NOSIP: variants seen among roughly 807,000 people sequenced by gnomAD.
NOSIP encodes the protein nitric oxide synthase-interacting protein.
Under a neutral mutation model 36.4 loss-of-function variants are expected in NOSIP, and 25 were observed. The observed-to-expected ratio is 0.69, with a 90% CI of 0.50 to 0.96. NOSIP has a LOEUF of 0.96. NOSIP is among the 40% of genes least tolerant of loss of function. The probability of loss-of-function intolerance (pLI) is 0.00; values close to 1 mark genes in which losing one functional copy is unlikely to be tolerated. For missense variants in NOSIP, 370 were observed against 429.0 expected, an observed-to-expected ratio of 0.86 and a Z score of 1.21; for synonymous variants, 187 against 179.2, an observed-to-expected ratio of 1.04 and a Z score of -0.35.
rs2080313073 is a variant in NOSIP, at chr19:49,560,162, C to T, written c.71-123G>A. The T allele has an allele frequency of 1.2e-5, 8 of 683,608 alleles. No individual in the cohort carries two copies. Among genetic ancestry groups the T allele is most frequent in the Non-Finnish European group, 2.0e-5 (8 of 396,526 alleles). The allele number at this position is 683,608 out of a possible 1,614,324, so 42.3% of individuals were successfully genotyped here. ...TGGGGGTGGGGGACTCAGAGAGAAA[C>T]AGGCAGTTGGGAGCCGCTGCCTGTG... On this transcript the variant is annotated intron_variant, in intron 2 of 8. Transcript: ENST00000596358. The surrounding 1 kb of genome is among the most constrained non-coding windows in gnomAD (Gnocchi z 4.6).
intron 1 of NOSIP, among the ~76,000 whole-genome samples, chr19:49,577,844 G>A (rs1020974637): frequency 1.3e-5 from 2 of 151,114 alleles, no homozygotes; most frequent in African/African-American, 4.9e-5. Context: ...ATGAAAGAAG[G>A]AAGGCAGTCA....
At chr19:49,575,012 G>A (rs950107572) in intron 1 of NOSIP, among the ~76,000 whole-genome samples, 51 of 151,694 alleles carry the variant, frequency 3.4e-4, no homozygotes, top group African/African-American at 1.2e-3. Context: ...ACAGGCGCCC[G>A]CCACCATGCC....
chr19:49,567,558 G>C (rs2080427683), intron 1 of NOSIP, among the ~76,000 whole-genome samples: 1 of 152,168 alleles, frequency 6.6e-6, no homozygotes, highest in Non-Finnish European at 1.5e-5. Flanking sequence ...AGCTGTGCCT[G>C]GGTCAGCAAG....
intron 4 of NOSIP, chr19:49,557,787 T>C (rs2080274671): frequency 2.0e-6 from 2 of 988,342 alleles, no homozygotes; most frequent in Admixed American, 1.2e-4. Context: ...AGCTCAGCCC[T>C]GCCTGGCGCA....
intron 1 of NOSIP, among the ~76,000 whole-genome samples, chr19:49,562,793 C>T (rs113086320): frequency 0.018 from 2,797 of 152,182 alleles, 51 homozygotes; most frequent in Non-Finnish European, 0.028. Context: ...AAACAGGAGA[C>T]TCATTGAACC....
At chr19:49,558,754 G>C in intron 4 of NOSIP, 143 bp downstream of exon 4, 1 of 737,004 alleles carries the variant, frequency 1.4e-6, no homozygotes, top group Non-Finnish European at 2.4e-6. Context: ...AAATCGGTGA[G>C]AAGGATTTGG....
chr19:49,573,531 T>C (rs2080513127), intron 1 of NOSIP, among the ~76,000 whole-genome samples: 1 of 152,120 alleles, frequency 6.6e-6, no homozygotes, highest in South Asian at 2.1e-4. Flanking sequence ...GATGTCATGA[T>C]AGAATCAATG....
chr19:49,556,642 C>A lies in NOSIP; in HGVS notation c.632G>T (p.Arg211Leu). ...HFTPLDSSVD[R>L]VGLITRSERY... ...CTCGCTGCGGGTGATGAGCCCCACG[C>A]GGTCCACGGAGCTGTCTAGCGGTGT... The change falls in exon 7 of 9, where the codon CGC becomes CTC. Residue 211 changes from arginine (R) to leucine (L), a missense_variant. Arg to Leu is a moderately radical substitution (Grantham distance 102). Coordinates refer to ENST00000596358, the MANE Select transcript of NOSIP (RefSeq NM_001270960.2). The A allele has an allele frequency of 6.2e-7, 1 of 1,610,598 alleles. No individual in the cohort carries two copies. Among genetic ancestry groups the A allele is most frequent in the Non-Finnish European group, 8.5e-7 (1 of 1,179,760 alleles).
chr19:49,574,147 C>G (rs1171788319), intron 1 of NOSIP, among the ~76,000 whole-genome samples: 1 of 152,142 alleles, frequency 6.6e-6, no homozygotes, highest in Non-Finnish European at 1.5e-5. Context: ...CAGGCATGAG[C>G]TACCGCGCCC....
chr19:49,571,345 G>A (rs182029327), intron 1 of NOSIP, among the ~76,000 whole-genome samples: 46 of 152,032 alleles, frequency 3.0e-4, no homozygotes, highest in African/African-American at 9.4e-4. Context: ...AAGCGTGAGC[G>A]CCTCCAACCA....
At chr19:49,575,798 A>C (rs546407959) in intron 1 of NOSIP, among the ~76,000 whole-genome samples, 1 of 152,316 alleles carries the variant, frequency 6.6e-6, no homozygotes, top group Non-Finnish European at 1.5e-5. Context: ...GTCATAGGTC[A>C]CCAAATTCAT....
In NOSIP at chr19:49,560,683, C is replaced by T; in HGVS notation, c.9G>A (p.Arg3=). The T allele has an allele frequency of 6.3e-7, 1 of 1,592,484 alleles. No homozygotes were observed. Among genetic ancestry groups the T allele is most frequent in the Non-Finnish European group, 8.6e-7 (1 of 1,168,946 alleles). Residue 3 remains arginine (R), a synonymous_variant, in exon 2 of 9, where the codon CGG becomes CGA. Coordinates refer to ENST00000596358, the MANE Select transcript of NOSIP (RefSeq NM_001270960.2). The surrounding 1 kb of genome is among the most constrained non-coding windows in gnomAD (Gnocchi z 4.6). Reference sequence around the variant, plus strand: ...CCCCTGCGGTGCAGTTCTTGCCATGCCGCGTCATCCTAGGGAGGAAGGGAC... The same window carrying T: ...CCCCTGCGGTGCAGTTCTTGCCATGTCGCGTCATCCTAGGGAGGAAGGGAC... MT[R]HGKNCTAGAV...
At chr19:49,566,794 C>CATATATATATACATATATATAT (rs2080414016) in intron 1 of NOSIP, 13 of 142,948 alleles carry the variant, frequency 9.1e-5, no homozygotes, top group African/African-American at 3.5e-4. Flanking sequence ...CATATACATA[C>CATATATATATACATATATATAT]ATATATATAT....
At chr19:49,561,620 G>A (rs886242436) in intron 1 of NOSIP, among the ~76,000 whole-genome samples, 7 of 152,114 alleles carry the variant, frequency 4.6e-5, no homozygotes, top group Admixed American at 2.6e-4. Context: ...AGTGGCTCAC[G>A]CCTGTAATCT....
chr19:49,556,250 T>C (rs2080242782), intron 8 of NOSIP, 67 bp downstream of exon 8: 1 of 687,612 alleles, frequency 1.5e-6, no homozygotes, highest in African/African-American at 4.7e-5. Flanking sequence ...GACGAAGCCT[T>C]GGAGGGGGTG....
intron 4 of NOSIP, 93 bp from the exon 5 acceptor site, chr19:49,557,342 G>A: frequency 6.8e-7 from 1 of 1,474,660 alleles, no homozygotes; most frequent in Non-Finnish European, 9.0e-7. Flanking sequence ...CCCACAAAGG[G>A]GACCCTCTGA....
Position 49,555,589 on chromosome 19 carries a change from A to C in NOSIP, c.*162T>G. ...TTGTTCTTAATGTGAGACCACATTCAATATGCTTAGCCCGCTCTTTCAAAC... is the reference window on the plus strand; with the variant it reads ...TTGTTCTTAATGTGAGACCACATTCCATATGCTTAGCCCGCTCTTTCAAAC... On this transcript the variant is annotated 3_prime_UTR_variant, in exon 9 of 9. Coordinates refer to ENST00000596358, the MANE Select transcript of NOSIP (RefSeq NM_001270960.2). The C allele has an allele frequency of 3.3e-6, 2 of 597,958 alleles. No homozygotes were observed. Among genetic ancestry groups the C allele is most frequent in the East Asian group, 3.1e-5 (1 of 32,530 alleles). 37.0% of individuals were successfully genotyped at this position (597,958 alleles called of 1,614,324 possible). A position where few individuals can be genotyped will look rare whatever the true frequency, so the allele number is the denominator to read the frequency against.
chr19:49,568,825 ACAG>A (rs2080446752), intron 1 of NOSIP, among the ~76,000 whole-genome samples: 1 of 134,706 alleles, frequency 7.4e-6, no homozygotes, highest in Non-Finnish European at 1.6e-5. Context: ...TTTTTTTGAG[ACAG>A]AGTCTTGCTC....
chr19:49,574,591 C>T (rs2080527030), intron 1 of NOSIP, among the ~76,000 whole-genome samples: 1 of 152,158 alleles, frequency 6.6e-6, no homozygotes, highest in African/African-American at 2.4e-5. Flanking sequence ...AACAACAGAC[C>T]TATTTTCTCC....
Sources: gnomAD v4.1 joint callset for allele counts (sites outside exome capture counted in the v4.1 genomes callset) on GRCh38, gnomAD v4.1.1 for gene constraint, Gnocchi (gnomAD v3.1) non-coding constraint, MANE v1.5 for transcripts, NCBI Gene and HGNC (gene_info 2026-07-23, HGNC 2026-07-21) for gene names.